AKAP9: variants seen among roughly 807,000 people sequenced by gnomAD.
AKAP9 encodes the protein A-kinase anchoring protein 9, also known as A-kinase anchor protein 9.
In AKAP9, 311 loss-of-function variants were observed where a neutral mutation model predicts 488.5. The observed-to-expected ratio is 0.64, with a 90% CI of 0.58 to 0.70. AKAP9 has a LOEUF of 0.70. AKAP9 is among the 30% of genes least tolerant of loss of function. The probability of loss-of-function intolerance (pLI) is 0.00; values close to 1 mark genes in which losing one functional copy is unlikely to be tolerated. For synonymous variants in AKAP9, 1,462 were observed against 1,483.5 expected (o/e 0.99, Z 0.33); for missense variants, 4,215 against 4,374.5 (o/e 0.96, Z 1.03).
intron 12 of AKAP9, 143 bp downstream of exon 12, chr7:92,017,245 G>C: frequency 1.5e-6 from 1 of 676,478 alleles, no homozygotes; most frequent in Non-Finnish European, 2.6e-6. Context: ...ATTTGTAGTA[G>C]ATAATTTATA....
chr7:92,032,933 A>G (rs935409479), intron 16 of AKAP9, among the ~76,000 whole-genome samples: 2 of 152,308 alleles, frequency 1.3e-5, no homozygotes, highest in South Asian at 2.1e-4. Context: ...TTGGTTTACT[A>G]GATTTGTGAC....
intron 31 of AKAP9, among the ~76,000 whole-genome samples, chr7:92,080,623 A>G (rs1340886101): frequency 1.3e-5 from 2 of 151,942 alleles, no homozygotes; most frequent in African/African-American, 4.8e-5. Flanking sequence ...AAGAAGAAAA[A>G]CTAGACAAAC....
At chr7:92,042,896 T>C (rs560657153) in intron 20 of AKAP9, 125 bp downstream of exon 20, 5 of 678,868 alleles carry the variant, frequency 7.4e-6, no homozygotes, top group South Asian at 1.5e-5. Context: ...ATACCATCTG[T>C]GTATGAAACA....
chr7:91,955,526 G>A (rs1792878681), intron 1 of AKAP9, among the ~76,000 whole-genome samples: 1 of 152,044 alleles, frequency 6.6e-6, no homozygotes, highest in South Asian at 2.1e-4. Context: ...GAACTTAATG[G>A]TATCATATGA....
chr7:92,103,319 G>A (rs527655692), intron 46 of AKAP9, among the ~76,000 whole-genome samples: 8 of 150,990 alleles, frequency 5.3e-5, no homozygotes, highest in African/African-American at 1.9e-4. Context: ...GAACCTGGGC[G>A]GCGGAGGTTG....
At chr7:92,076,787 C>T in intron 28 of AKAP9, 68 bp from the exon 29 acceptor site, 1 of 964,402 alleles carries the variant, frequency 1.0e-6, no homozygotes, top group Non-Finnish European at 1.5e-6. Flanking sequence ...TAATATAGCA[C>T]TCTTCATTTT....
At chr7:92,014,926 G>A (rs779107931) in intron 10 of AKAP9, among the ~76,000 whole-genome samples, 2 of 152,106 alleles carry the variant, frequency 1.3e-5, no homozygotes, top group Non-Finnish European at 2.9e-5. Flanking sequence ...CCTGGGAGAC[G>A]GTGTAGAGTG....
intron 16 of AKAP9, among the ~76,000 whole-genome samples, chr7:92,033,729 T>C (rs1804684723): frequency 6.6e-6 from 1 of 152,160 alleles, no homozygotes; most frequent in African/African-American, 2.4e-5. Context: ...TGAGCCACCA[T>C]GCCTGGCTGA....
rs186244649 is a variant in AKAP9, at chr7:92,010,481, G to A, written c.3319-1948G>A. On this transcript the variant is annotated intron_variant, in intron 8 of 49. Transcript: ENST00000356239. ...ACTACTGCAATTCTTTTTTGTGAGC[G>A]GCCCAGCCCCCTAGCCACTCTTTCA... is the stretch of plus-strand genomic sequence containing the variant. Among the ~76,000 whole-genome samples, 428 of 152,228 alleles carry A rather than the reference G, an allele frequency of 2.8e-3. 4 individuals are homozygous for A. The highest frequency in any genetic ancestry group is 9.7e-3 in the African/African-American group (402 of 41,556).
At position 92,070,030 on chromosome 7, in the gene AKAP9, G is replaced by A. The variant is rs1811435310; in HGVS notation, c.6331G>A (p.Val2111Ile). The A allele has an allele frequency of 1.9e-6, 3 of 1,612,138 alleles. No homozygotes were observed. Among genetic ancestry groups the A allele is most frequent in the Non-Finnish European group, 2.5e-6 (3 of 1,179,552 alleles). ...AAATTTTTTGCCTCTTATATTTCAG[G>A]TTGAACAGTTAGCAAATCATCTGAA... ...QPISEHQTRE[V>I]EQLANHLKEK... is the part of the protein sequence containing the mutation. The change falls in exon 27 of 50, where the codon GTT (valine) becomes ATT (isoleucine). Residue 2111 changes from valine (V) to isoleucine (I), a missense_variant and splice_region_variant. By Grantham distance (29) the Val-to-Ile change is conservative. Coordinates refer to ENST00000356239, the MANE Select transcript of AKAP9 (RefSeq NM_005751.5).
chr7:91,976,454 T>G (rs1032968207), intron 2 of AKAP9, among the ~76,000 whole-genome samples: 1 of 151,986 alleles, frequency 6.6e-6, no homozygotes, highest in African/African-American at 2.4e-5. Flanking sequence ...AACTCCTGGA[T>G]TCAAGTGATC....
At chr7:92,052,047 A>T (rs1808069986) in intron 21 of AKAP9, among the ~76,000 whole-genome samples, 1 of 152,154 alleles carries the variant, frequency 6.6e-6, no homozygotes, top group Admixed American at 6.6e-5. Context: ...GTTAAATTAG[A>T]CCTGCTCATC....
Position 92,100,838 on chromosome 7 carries a change from A to T in AKAP9, c.10897-18A>T. On this transcript the variant is annotated intron_variant, in intron 44 of 49. Coordinates refer to ENST00000356239, the MANE Select transcript of AKAP9 (RefSeq NM_005751.5). Reference sequence around the variant, plus strand: ...CTTTTCTTCAGAGACTTGTGTAAGTAGGCTGTGGTCTTTGCAGTCTTCCAG... The same window carrying T: ...CTTTTCTTCAGAGACTTGTGTAAGTTGGCTGTGGTCTTTGCAGTCTTCCAG... 1 of 1,613,924 alleles carries T rather than the reference A, an allele frequency of 6.2e-7. No individual in the cohort carries two copies. Among genetic ancestry groups the T allele is most frequent in the Non-Finnish European group, 8.5e-7 (1 of 1,179,814 alleles).
chr7:92,031,468 T>C (rs1563015307), intron 15 of AKAP9, 44 bp from the exon 16 acceptor site: 1 of 1,340,108 alleles, frequency 7.5e-7, no homozygotes, highest in East Asian at 2.3e-5. Flanking sequence ...ATAAGTGGTG[T>C]ATAATTAATG....
intron 28 of AKAP9, among the ~76,000 whole-genome samples, chr7:92,074,177 A>G (rs1012588199): frequency 1.3e-5 from 2 of 152,112 alleles, no homozygotes; most frequent in Admixed American, 1.3e-4. Context: ...TTTACAAGAA[A>G]AAACAACCCC....
At chr7:91,967,510 TA>T (rs1794563150) in intron 1 of AKAP9, among the ~76,000 whole-genome samples, 1 of 152,218 alleles carries the variant, frequency 6.6e-6, no homozygotes, top group Admixed American at 6.5e-5. Flanking sequence ...GTTTCTATCC[TA>T]AAGGCATGTT....
intron 1 of AKAP9, among the ~76,000 whole-genome samples, chr7:91,952,833 T>A (rs1448770228): frequency 6.6e-6 from 1 of 152,128 alleles, no homozygotes; most frequent in Non-Finnish European, 1.5e-5. Flanking sequence ...TTTATATATT[T>A]TTTAGAGGCA....
intron 24 of AKAP9, 71 bp downstream of exon 24, chr7:92,062,557 C>G (rs934933436): frequency 3.9e-6 from 5 of 1,285,704 alleles, no homozygotes; most frequent in Middle Eastern, 1.9e-4. Flanking sequence ...CTTAAGGTGG[C>G]TTTTTTCCTC....
chr7:91,950,160 T>G (rs1346412588), intron 1 of AKAP9, among the ~76,000 whole-genome samples: 1 of 152,110 alleles, frequency 6.6e-6, no homozygotes, highest in Non-Finnish European at 1.5e-5. Context: ...TAAAATTCCT[T>G]GTTGTTTACT....
Sources: gnomAD v4.1 joint callset for allele counts (sites outside exome capture counted in the v4.1 genomes callset) on GRCh38, gnomAD v4.1.1 for gene constraint, MANE v1.5 for transcripts, NCBI Gene and HGNC (gene_info 2026-07-23, HGNC 2026-07-21) for gene names.